The following ORC3 variants were observed in gnomAD, a reference collection of about 807,000 sequenced individuals.
The protein encoded by ORC3 is homolog of latheo, Drosophila.
Under a neutral mutation model 100.7 loss-of-function variants are expected in ORC3, and 78 were observed. The ratio of observed to expected loss-of-function variants is 0.77; its 90% CI spans 0.65 to 0.94. The LOEUF (loss-of-function observed/expected upper bound fraction) is 0.94. Ranked by LOEUF, ORC3 falls within the 40% of genes least tolerant of loss-of-function variation. The pLI is 0.00. For synonymous variants in ORC3, 295 were observed against 289.3 expected, an observed-to-expected ratio of 1.02 and a Z score of -0.20; for missense variants, 789 against 823.9, an observed-to-expected ratio of 0.96 and a Z score of 0.52.
intron 7 of ORC3, among the ~76,000 whole-genome samples, chr6:87,611,779 CTG>C (rs1778790999): frequency 6.8e-6 from 1 of 148,032 alleles, no homozygotes; most frequent in Non-Finnish European, 1.5e-5. Flanking sequence ...AGGACTCCAT[CTG>C]AAAAAAAAAA....
chr6:87,597,522 AAATT>A (rs1777539076), intron 2 of ORC3, among the ~76,000 whole-genome samples: 1 of 152,184 alleles, frequency 6.6e-6, no homozygotes, highest in Admixed American at 6.5e-5. Flanking sequence ...AGCACTGTGA[AAATT>A]AATTCCAGTG....
At chr6:87,631,613 C>G (rs1767426822) in intron 11 of ORC3, among the ~76,000 whole-genome samples, 1 of 152,026 alleles carries the variant, frequency 6.6e-6, no homozygotes. Context: ...CTGCCTCAGC[C>G]TCCCAAGTAG....
chr6:87,597,167 T>C (rs1777509626), intron 2 of ORC3, among the ~76,000 whole-genome samples: 1 of 152,218 alleles, frequency 6.6e-6, no homozygotes, highest in South Asian at 2.1e-4. Context: ...AGTCTAAAAA[T>C]AAAATTCATT....
At chr6:87,666,909 A>G (rs1770688626) in intron 19 of ORC3, 109 bp from the exon 20 acceptor site, 2 of 612,934 alleles carry the variant, frequency 3.3e-6, no homozygotes, top group East Asian at 2.8e-5. Flanking sequence ...TTAGGAGTTT[A>G]TATCTGAACT....
At position 87,616,383 on chromosome 6, in the gene ORC3, T is replaced by C. The variant is rs545268495; in HGVS notation, c.943T>C (p.Leu315=). ...KVLQVLTNIF[L]YHDFSVQNFI... The stretch of plus-strand genomic sequence containing the variant: ...ATTACAGGTTCTGACCAACATCTTT[T>C]TGTATCATGATTTCTCAGTTCAAAA... The change falls in exon 9 of 20, where the codon TTG becomes CTG. Residue 315 remains leucine, a synonymous_variant. Coordinates refer to ENST00000392844, the MANE Select transcript of ORC3 (RefSeq NM_012381.4). 10 of 1,544,754 alleles carry C rather than the reference T, an allele frequency of 6.5e-6. No individual in the cohort carries two copies. Among genetic ancestry groups the C allele is most frequent in the South Asian group, 4.5e-5 (4 of 89,556 alleles).
chr6:87,603,896 T>A lies in ORC3; in HGVS notation c.322+368T>A, dbSNP rs1023205944. The stretch of plus-strand genomic sequence containing the variant: ...GTAGATTTGGTTTTCATACTTTTTT[T>A]AGTCGTATCTTCAATGGAATTACTC... On this transcript the variant is annotated intron_variant, in intron 4 of 19. Transcript: ENST00000392844. Among the ~76,000 whole-genome samples, 3 of 152,204 alleles carry A rather than the reference T, an allele frequency of 2.0e-5. No homozygotes were observed. The East Asian group carries it at 5.8e-4, about 29-fold the overall frequency.
intron 16 of ORC3, among the ~76,000 whole-genome samples, chr6:87,661,527 CTCT>C (rs1163615936): frequency 3.3e-5 from 5 of 152,182 alleles, no homozygotes; most frequent in East Asian, 1.9e-4. Flanking sequence ...TCCACTTCCT[CTCT>C]TCTTCAGAGC....
chr6:87,646,136 G>A (rs1185196227), intron 13 of ORC3, among the ~76,000 whole-genome samples: 1 of 151,670 alleles, frequency 6.6e-6, no homozygotes, highest in African/African-American at 2.4e-5. Flanking sequence ...ACAGGCGCCT[G>A]CCACCAAGCC....
chr6:87,599,400 C>T (rs887001197), intron 2 of ORC3, among the ~76,000 whole-genome samples: 8 of 145,986 alleles, frequency 5.5e-5, no homozygotes, highest in African/African-American at 2.1e-4. Flanking sequence ...CAAGGTTTTG[C>T]TCTGTCGCCC....
At chr6:87,627,627 G>A (rs1780020852) in intron 11 of ORC3, among the ~76,000 whole-genome samples, 1 of 151,352 alleles carries the variant, frequency 6.6e-6, no homozygotes, top group Non-Finnish European at 1.5e-5. Context: ...ATATAAAGAT[G>A]TATATACATT....
chr6:87,650,900 G>A (rs1298382267), intron 13 of ORC3: 5 of 295,692 alleles, frequency 1.7e-5, no homozygotes, highest in African/African-American at 4.4e-5. Flanking sequence ...ACAGCTACTC[G>A]GGAGGTTGAG....
the ORC3 span, among the ~76,000 whole-genome samples, chr6:87,673,568 C>T: frequency 2.6e-5 from 4 of 152,092 alleles, no homozygotes; most frequent in South Asian, 2.1e-4. Flanking sequence ...ATTGGCCAGG[C>T]GCAGTGGCTC....
At chr6:87,640,150 C>G (rs551149389) in intron 13 of ORC3, among the ~76,000 whole-genome samples, 1 of 151,590 alleles carries the variant, frequency 6.6e-6, no homozygotes, top group Non-Finnish European at 1.5e-5. Flanking sequence ...CAGCCAGCCT[C>G]TAGTGTATTT....
At chr6:87,646,736 C>A (rs1768822278) in intron 13 of ORC3, among the ~76,000 whole-genome samples, 1 of 152,196 alleles carries the variant, frequency 6.6e-6, no homozygotes. Flanking sequence ...TTAGTGCTTT[C>A]TCTTCTCTCT....
intron 13 of ORC3, among the ~76,000 whole-genome samples, chr6:87,645,888 T>A (rs36020402): frequency 0.058 from 8,822 of 152,236 alleles, 308 homozygotes; most frequent in African/African-American, 0.099. Flanking sequence ...TCTCAACTCC[T>A]GTGACAGATT....
chr6:87,630,645 A>G lies in ORC3; in HGVS notation c.1186-4200A>G, dbSNP rs559347721. Among the ~76,000 whole-genome samples, 187 of 152,216 alleles carry G rather than the reference A, an allele frequency of 1.2e-3. 2 individuals are homozygous for G. The highest frequency in any genetic ancestry group is 2.3e-3 in the Non-Finnish European group (154 of 68,036). ...ATAAGTGCTGAGATAAAAACAATGA[A>G]GCAGAGAAGAAGGATATGAAGTTCC... On this transcript the variant is annotated intron_variant, in intron 11 of 19. Coordinates refer to ENST00000392844, the MANE Select transcript of ORC3 (RefSeq NM_012381.4).
chr6:87,593,085 T>G (rs535181868), intron 1 of ORC3, among the ~76,000 whole-genome samples: 1 of 152,142 alleles, frequency 6.6e-6, no homozygotes, highest in South Asian at 2.1e-4. Context: ...AGAGCGAGAC[T>G]CTGTCTCAAA....
intron 13 of ORC3, among the ~76,000 whole-genome samples, chr6:87,650,221 T>C (rs1457658597): frequency 6.6e-6 from 1 of 152,002 alleles, no homozygotes; most frequent in Non-Finnish European, 1.5e-5. Flanking sequence ...GCTGAGCTAA[T>C]TTTTTCTATT....
At chr6:87,614,018 G>T (rs952726283) in intron 8 of ORC3, among the ~76,000 whole-genome samples, 3 of 152,162 alleles carry the variant, frequency 2.0e-5, no homozygotes, top group African/African-American at 7.2e-5. Flanking sequence ...GACTCTGTGT[G>T]GGGACTCCAA....
Sources: gnomAD v4.1 joint callset for allele counts (sites outside exome capture counted in the v4.1 genomes callset) on GRCh38, gnomAD v4.1.1 for gene constraint, MANE v1.5 for transcripts, NCBI Gene and HGNC (gene_info 2026-07-23, HGNC 2026-07-21) for gene names.